Variants in C2orf74 observed in about 807,000 individuals in gnomAD.
C2orf74 encodes DPM1 ER membrane anchor 1.
A neutral mutation model predicts 17.9 loss-of-function variants in C2orf74; 14 were observed. That is an observed-to-expected ratio of 0.78 (90% CI 0.52 to 1.22). C2orf74 has a LOEUF of 1.22. C2orf74 is among the 50% of genes most tolerant of loss of function. The pLI, the probability that C2orf74 is intolerant of heterozygous loss-of-function variation, is 0.00. For missense variants in C2orf74, 217 were observed against 218.4 expected (o/e 0.99, Z 0.04); for synonymous variants, 79 against 72.6 (o/e 1.09, Z -0.44).
chr2:61,150,648 G>A (rs1303347886), intron 1 of C2orf74, among the ~76,000 whole-genome samples: 5 of 152,140 alleles, frequency 3.3e-5, no homozygotes, highest in African/African-American at 4.8e-5. Context: ...GTCCTCACAG[G>A]CCCTAGAAAC....
chr2:61,162,956 G>T lies in C2orf74; in HGVS notation c.209+1G>T, dbSNP rs1685610695. 1 of 1,552,480 alleles carries T rather than the reference G, an allele frequency of 6.4e-7. No homozygotes were observed. Among genetic ancestry groups the T allele is most frequent in the Non-Finnish European group, 8.7e-7 (1 of 1,147,064 alleles). On this transcript the variant is annotated splice_donor_variant, in intron 3 of 4. Transcript: ENST00000432605. LOFTEE classifies it high-confidence loss of function. ...CAAGCAATCCAGAGGACCATGAAAG[G>T]CGAGTGTGGTGCAGGATGTGGCAGA...
rs1685619558 is a variant in C2orf74, at chr2:61,163,176, A to G, written c.334A>G (p.Asn112Asp). Residue 112 changes from asparagine (N) to aspartate (D), a missense_variant, in exon 4 of 5, where the codon AAC becomes GAC. Physicochemically the swap from Asn to Asp is conservative, Grantham distance 23. Coordinates refer to ENST00000432605, the MANE Select transcript of C2orf74 (RefSeq NM_001143959.4). Reference protein sequence around the residue: ...NRRDMEAEEENQINEKQEPEN... With the variant: ...NRRDMEAEEEDQINEKQEPEN... ...AAGGGACATGGAGGCAGAAGAGGAG[A>G]ACCAAATAAATGAGAAGCAAGAGCC... 6.4e-7 allele frequency: 1 copy of G among 1,552,404 alleles called. No individual in the cohort carries two copies. Among genetic ancestry groups the G allele is most frequent in the African/African-American group, 1.4e-5 (1 of 73,184 alleles).
chr2:61,149,952 A>T (rs545778800), intron 1 of C2orf74, among the ~76,000 whole-genome samples: 1 of 152,278 alleles, frequency 6.6e-6, no homozygotes, highest in South Asian at 2.1e-4. Flanking sequence ...AGATTTGAGT[A>T]AACAGAGGAA....
chr2:61,152,856 A>G (rs1232829094), intron 1 of C2orf74, among the ~76,000 whole-genome samples: 5 of 148,698 alleles, frequency 3.4e-5, no homozygotes, highest in Non-Finnish European at 4.5e-5. Context: ...CTCACCAAAA[A>G]AAAAAAAAAA....
At chr2:61,152,990 T>C (rs1209942648) in intron 1 of C2orf74, among the ~76,000 whole-genome samples, 1 of 150,276 alleles carries the variant, frequency 6.7e-6, no homozygotes, top group Non-Finnish European at 1.5e-5. Context: ...CCGTCTCTAC[T>C]AAAAATACAA....
At chr2:61,164,140 C>T (rs1464703498) in intron 4 of C2orf74, among the ~76,000 whole-genome samples, 1 of 152,132 alleles carries the variant, frequency 6.6e-6, no homozygotes, top group South Asian at 2.1e-4. Context: ...GAGAGAATTA[C>T]ATGTCACCAA....
intron 1 of C2orf74, among the ~76,000 whole-genome samples, chr2:61,147,395 A>G (rs903480440): frequency 7.4e-4 from 112 of 152,278 alleles, no homozygotes; most frequent in Middle Eastern, 6.8e-3. Context: ...TTTTACACAC[A>G]AAAGAGTTTT....
chr2:61,151,625 G>A (rs897559336), intron 1 of C2orf74: 2 of 151,974 alleles, frequency 1.3e-5, no homozygotes, highest in African/African-American at 4.8e-5. Context: ...TGGAAGGAGG[G>A]AGGGCTCAGT....
At chr2:61,152,851 CAAAAAA>C (rs11334583) in intron 1 of C2orf74, among the ~76,000 whole-genome samples, 5 of 82,654 alleles carry the variant, frequency 6.0e-5, no homozygotes, top group African/African-American at 2.3e-4. Flanking sequence ...TCCATCTCAC[CAAAAAA>C]AAAAAAAAAA....
At chr2:61,147,762 TTTTG>T (rs1422913042) in intron 1 of C2orf74, among the ~76,000 whole-genome samples, 2 of 152,018 alleles carry the variant, frequency 1.3e-5, no homozygotes, top group East Asian at 1.9e-4. Context: ...TGGGTTGCCT[TTTTG>T]TTTGTTTTTT....
chr2:61,147,609 T>C (rs569205740), intron 1 of C2orf74, among the ~76,000 whole-genome samples: 2 of 152,368 alleles, frequency 1.3e-5, no homozygotes, highest in South Asian at 4.1e-4. Context: ...GAGCCTCTTA[T>C]ATTTATTGCC....
At chr2:61,161,931 TAGGAA>T (rs1483167906), upstream of C2orf74, 1 of 153,232 alleles carries the variant, frequency 6.5e-6, no homozygotes, top group Non-Finnish European at 1.5e-5. Context: ...AGGCTCAGAT[TAGGAA>T]AGGAAAGGTG....
chr2:61,154,251 AAAAT>A (rs1315114752), intron 1 of C2orf74, among the ~76,000 whole-genome samples: 9 of 138,186 alleles, frequency 6.5e-5, no homozygotes, highest in Non-Finnish European at 1.3e-4. Context: ...AAAAAAAAAA[AAAAT>A]TTAGAATTCA....
Position 61,162,593 on chromosome 2 carries a change from G to GT in C2orf74, c.86dup (p.Leu29PhefsTer3), listed in dbSNP as rs1265298443. On this transcript the variant is annotated frameshift_variant, in exon 2 of 5. Coordinates refer to ENST00000432605, the MANE Select transcript of C2orf74 (RefSeq NM_001143959.4). LOFTEE classifies it high-confidence loss of function. The stretch of plus-strand genomic sequence containing the variant: ...CATTTGCATCCTCCTCTTATTGGTG[G>GT]TTTTTTTATATAAATGGTATAAATC... The GT allele has an allele frequency of 9.1e-6, 14 of 1,541,792 alleles. No homozygotes were observed. The highest frequency in any genetic ancestry group is 5.5e-5 in the African/African-American group (4 of 72,782).
intron 1 of C2orf74, among the ~76,000 whole-genome samples, chr2:61,146,499 TAACAC>T: frequency 6.6e-6 from 1 of 152,186 alleles, no homozygotes; most frequent in South Asian, 2.1e-4. Flanking sequence ...AAAACAAAAA[TAACAC>T]TACAATAACT....
At chr2:61,154,304 C>T (rs1164892622) in intron 1 of C2orf74, among the ~76,000 whole-genome samples, 1 of 151,600 alleles carries the variant, frequency 6.6e-6, no homozygotes, top group African/African-American at 2.4e-5. Context: ...CTACAGTATA[C>T]TTGATCAGTG....
In C2orf74 at chr2:61,162,462, A is replaced by AAT; in HGVS notation, c.-50_-49dup. On this transcript the variant is annotated 5_prime_UTR_variant, in exon 2 of 5. Transcript: ENST00000432605. The stretch of plus-strand genomic sequence containing the variant: ...CTGCATTCAAATTGAGCTGGAAAAG[A>AAT]ATATTTGGACAGTCTGTGATTGTGA... 1 of 1,307,724 alleles carries AAT rather than the reference A, an allele frequency of 7.6e-7. No individual in the cohort carries two copies. Among genetic ancestry groups the AAT allele is most frequent in the Non-Finnish European group, 1.1e-6 (1 of 942,346 alleles). 81.0% of individuals were successfully genotyped at this position (1,307,724 alleles called of 1,614,324 possible).
In C2orf74 at chr2:61,164,383, T is replaced by C; in HGVS notation, c.420T>C (p.Ser140=). 1.3e-6 allele frequency: 2 copies of C among 1,548,448 alleles called. No homozygotes were observed. Among genetic ancestry groups the C allele is most frequent in the Non-Finnish European group, 1.7e-6 (2 of 1,146,064 alleles). ...ATGGTTTGCAGAAAATACACACATC[T>C]GTCACTAGAACTCCTTCAGTTGTTG... ...EDDGLQKIHT[S]VTRTPSVVES... The change falls in exon 5 of 5, where the codon TCT becomes TCC. Residue 140 remains serine (S), a synonymous_variant. Transcript: ENST00000432605.
At chr2:61,156,544 T>C (rs1685396485) in intron 1 of C2orf74, among the ~76,000 whole-genome samples, 1 of 152,094 alleles carries the variant, frequency 6.6e-6, no homozygotes, top group South Asian at 2.1e-4. Flanking sequence ...TATGTACAAA[T>C]ATGTCCATCA....
Sources: allele counts gnomAD v4.1 joint callset (sites outside exome capture counted in the v4.1 genomes callset), GRCh38; gene constraint gnomAD v4.1.1; transcripts MANE v1.5; gene names NCBI Gene and HGNC (gene_info 2026-07-23, HGNC 2026-07-21).